MYO3B: variants seen among roughly 807,000 people sequenced by gnomAD.
MYO3B encodes myosin IIIB.
MYO3B carries 156 observed loss-of-function variants against 174.6 expected under a neutral mutation model. The ratio of observed to expected loss-of-function variants is 0.89; its 90% CI spans 0.78 to 1.02. MYO3B has a LOEUF of 1.02. Ranked by LOEUF, MYO3B falls within the 50% of genes least tolerant of loss-of-function variation. The pLI is 0.00. For missense variants in MYO3B, 1,632 were observed against 1,639.4 expected (o/e 1.00, Z 0.08); for synonymous variants, 563 against 569.1 (o/e 0.99, Z 0.15).
At chr2:170,279,297 T>G (rs2093487633) in intron 7 of MYO3B, among the ~76,000 whole-genome samples, 1 of 152,160 alleles carries the variant, frequency 6.6e-6, no homozygotes, top group African/African-American at 2.4e-5. Context: ...AGCACATTTG[T>G]TATTTTTTGT....
chr2:170,271,978 TGC>T (rs2093428365), intron 7 of MYO3B, among the ~76,000 whole-genome samples: 1 of 152,126 alleles, frequency 6.6e-6, no homozygotes, highest in Non-Finnish European at 1.5e-5. Context: ...CTAGTAAACT[TGC>T]AGATGCCAGC....
intron 32 of MYO3B, among the ~76,000 whole-genome samples, chr2:170,642,995 T>G (rs1698093366): frequency 6.6e-6 from 1 of 152,004 alleles, no homozygotes; most frequent in Non-Finnish European, 1.5e-5. Flanking sequence ...ACAATGGTTC[T>G]TAACCTTGAC....
chr2:170,482,739 GTATTTACAGATCT>G (rs2106016480), intron 25 of MYO3B, among the ~76,000 whole-genome samples: 1 of 152,312 alleles, frequency 6.6e-6, no homozygotes, highest in Non-Finnish European at 1.5e-5. Flanking sequence ...TTACAGATCT[GTATTTACAGATCT>G]TATTTACAGA....
chr2:170,628,003 C>G (rs1696611143), intron 32 of MYO3B, among the ~76,000 whole-genome samples: 1 of 152,182 alleles, frequency 6.6e-6, no homozygotes, highest in African/African-American at 2.4e-5. Flanking sequence ...GGTCAGGGAC[C>G]CACTTGAGGC....
Position 170,491,494 on chromosome 2 carries a change from C to G in MYO3B, c.3015-7098C>G, listed in dbSNP as rs184030187. The stretch of plus-strand genomic sequence containing the variant: ...AGGCTGGAGTGCAGTGGCGCGATCT[C>G]TGCTCACTGCAAGCTCCGCCTCCCA... On this transcript the variant is annotated intron_variant, in intron 25 of 34. Transcript: ENST00000408978. 5.4e-3 allele frequency among the ~76,000 whole-genome samples: 824 copies of G among 152,226 alleles called. 8 individuals are homozygous for G. The highest frequency in any genetic ancestry group is 8.4e-3 in the Non-Finnish European group (569 of 68,020).
intron 23 of MYO3B, among the ~76,000 whole-genome samples, chr2:170,458,199 C>T (rs946522537): frequency 6.6e-6 from 1 of 152,344 alleles, no homozygotes; most frequent in South Asian, 2.1e-4. Context: ...CAAATCACCA[C>T]AAACACATGA....
intron 32 of MYO3B, among the ~76,000 whole-genome samples, chr2:170,596,290 G>A (rs929092641): frequency 1.3e-5 from 2 of 152,116 alleles, no homozygotes; most frequent in African/African-American, 4.8e-5. Context: ...CTTTCTGAGG[G>A]GCACCCCTAC....
At chr2:170,542,186 C>G (rs1690155881) in intron 30 of MYO3B, among the ~76,000 whole-genome samples, 1 of 151,968 alleles carries the variant, frequency 6.6e-6, no homozygotes, top group African/African-American at 2.4e-5. Flanking sequence ...GTGCTTTCCA[C>G]TCTGCTGGTT....
intron 32 of MYO3B, among the ~76,000 whole-genome samples, chr2:170,552,288 T>G (rs1428486243): frequency 1.3e-5 from 2 of 152,064 alleles, no homozygotes; most frequent in Admixed American, 6.5e-5. Context: ...CCTAGAGACT[T>G]GTTGAAGGGT....
At chr2:170,235,719 G>A (rs368387348) in intron 6 of MYO3B, among the ~76,000 whole-genome samples, 1 of 152,130 alleles carries the variant, frequency 6.6e-6, no homozygotes, top group Non-Finnish European at 1.5e-5. Context: ...GTATACATCC[G>A]CTTCCTCCCC....
chr2:170,242,183 C>A (rs1009433730), intron 7 of MYO3B, among the ~76,000 whole-genome samples: 2 of 152,100 alleles, frequency 1.3e-5, no homozygotes, highest in Non-Finnish European at 2.9e-5. Flanking sequence ...TCCCCACGAT[C>A]CAAGCTTCAC....
intron 21 of MYO3B, 135 bp from the exon 22 acceptor site, chr2:170,407,580 G>T: frequency 1.6e-5 from 1 of 64,406 alleles, no homozygotes. Context: ...CCTTTATCTG[G>T]TGCTCTGGAT....
intron 7 of MYO3B, among the ~76,000 whole-genome samples, chr2:170,309,379 A>T (rs746847522): frequency 2.6e-5 from 4 of 152,150 alleles, no homozygotes; most frequent in Admixed American, 2.6e-4. Flanking sequence ...CTAGATCTTT[A>T]TACATGTTGT....
chr2:170,538,063 TA>T (rs1689844288), intron 30 of MYO3B, among the ~76,000 whole-genome samples: 1 of 152,104 alleles, frequency 6.6e-6, no homozygotes, highest in South Asian at 2.1e-4. Flanking sequence ...AAGAAACAAG[TA>T]AAATTTAGAA....
chr2:170,349,543 A>C (rs1378401642), intron 8 of MYO3B: 2 of 152,154 alleles, frequency 1.3e-5, no homozygotes, highest in Non-Finnish European at 2.9e-5. Context: ...TCATGCCTAT[A>C]ATCTCAGCAC....
intron 32 of MYO3B, among the ~76,000 whole-genome samples, chr2:170,620,443 A>G (rs2105329142): frequency 6.6e-6 from 1 of 152,320 alleles, no homozygotes; most frequent in Middle Eastern, 3.4e-3. Context: ...CTCTTTCTCT[A>G]TAGATAGTGA....
intron 32 of MYO3B, among the ~76,000 whole-genome samples, chr2:170,610,787 G>C (rs1695083937): frequency 6.6e-6 from 1 of 152,210 alleles, no homozygotes; most frequent in African/African-American, 2.4e-5. Context: ...CAGCACTCTT[G>C]AGGATTTCGC....
intron 30 of MYO3B, among the ~76,000 whole-genome samples, chr2:170,527,771 A>G (rs1257157219): frequency 6.6e-6 from 1 of 152,236 alleles, no homozygotes; most frequent in Non-Finnish European, 1.5e-5. Context: ...AGAATAAACC[A>G]TAGGAAACGT....
intron 1 of MYO3B, among the ~76,000 whole-genome samples, chr2:170,185,626 G>A (rs566345023): frequency 1.8e-4 from 27 of 152,210 alleles, no homozygotes; most frequent in Admixed American, 5.2e-4. Context: ...TGGCTATTCT[G>A]GGTCTTTTGT....
Sources: gnomAD v4.1 joint callset for allele counts (sites outside exome capture counted in the v4.1 genomes callset) on GRCh38, gnomAD v4.1.1 for gene constraint, MANE v1.5 for transcripts, NCBI Gene and HGNC (gene_info 2026-07-23, HGNC 2026-07-21) for gene names.